B3GNT3: variants seen among roughly 807,000 people sequenced by gnomAD.
The protein encoded by B3GNT3 is UDP-GlcNAc:betaGal beta-1,3-N-acetylglucosaminyltransferase 3.
B3GNT3 carries 7 observed loss-of-function variants against 11.6 expected under a neutral mutation model. The ratio of observed to expected loss-of-function variants is 0.60; its 90% confidence interval spans 0.34 to 1.13. The LOEUF is 1.13. B3GNT3 is among the 50% of genes most tolerant of loss of function. B3GNT3 has a pLI of 0.03. For missense variants in B3GNT3, 400 were observed against 507.4 expected, an observed-to-expected ratio of 0.79 and a Z score of 2.03; for synonymous variants, 201 against 222.1, an observed-to-expected ratio of 0.90 and a Z score of 0.85.
In B3GNT3 at chr19:17,812,160, C is replaced by G; in HGVS notation, c.*38C>G. The G allele has an allele frequency of 6.5e-7, 1 of 1,543,664 alleles. No homozygotes were observed. Among genetic ancestry groups the G allele is most frequent in the East Asian group, 2.2e-5 (1 of 44,516 alleles). ...GTCCCCAGCCTCTGGGCTCCTGTTTCCATAGGAAGGGGCGACACCTTCCTC... is the reference window on the plus strand; with the variant it reads ...GTCCCCAGCCTCTGGGCTCCTGTTTGCATAGGAAGGGGCGACACCTTCCTC... On this transcript the variant is annotated 3_prime_UTR_variant, in exon 3 of 3. Transcript: ENST00000318683.
chr19:17,807,960 T>TCCCGGCCCCCCC lies in B3GNT3; in HGVS notation c.155_156insCGGCCCCCCCCC (p.Pro52_Pro53insGlyProProPro). 6.8e-6 allele frequency: 11 copies of TCCCGGCCCCCCC among 1,609,538 alleles called. No homozygotes were observed. The highest frequency in any genetic ancestry group is 2.7e-5 in the African/African-American group (2 of 74,190). On this transcript the variant is annotated inframe_insertion, in exon 2 of 3. Coordinates refer to ENST00000318683, the MANE Select transcript of B3GNT3 (RefSeq NM_014256.4). The stretch of plus-strand genomic sequence containing the variant: ...TCCCCGAGGCCCTGGCCTGGCCCAC[T>TCCCGGCCCCCCC]CCACCCACCCGCCCAGCCCCGGCCC...
At chr19:17,799,260 C>T (rs1476531912) in intron 1 of B3GNT3, among the ~76,000 whole-genome samples, 2 of 150,362 alleles carry the variant, frequency 1.3e-5, no homozygotes, top group Non-Finnish European at 2.9e-5. Flanking sequence ...GGTTCTGCCA[C>T]CATTCCAGCT....
chr19:17,808,876 G>C (rs1385998916), intron 2 of B3GNT3, among the ~76,000 whole-genome samples: 1 of 151,930 alleles, frequency 6.6e-6, no homozygotes. Flanking sequence ...GTCTTGCTCT[G>C]TTGCCCAGCC....
intron 1 of B3GNT3, among the ~76,000 whole-genome samples, chr19:17,801,523 G>C (rs1396480224): frequency 7.0e-6 from 1 of 142,732 alleles, no homozygotes; most frequent in Admixed American, 6.9e-5. Flanking sequence ...TTGCTCTGTT[G>C]CCCAGGCTGG....
intron 1 of B3GNT3, among the ~76,000 whole-genome samples, chr19:17,806,114 C>T (rs1439952810): frequency 1.3e-5 from 2 of 152,064 alleles, no homozygotes; most frequent in Non-Finnish European, 2.9e-5. Flanking sequence ...ACTACAGGCA[C>T]CCATCACCAT....
intron 1 of B3GNT3, among the ~76,000 whole-genome samples, chr19:17,804,912 G>C (rs1215708815): frequency 6.6e-6 from 1 of 151,084 alleles, no homozygotes; most frequent in Non-Finnish European, 1.5e-5. Context: ...GCCAGCCTCT[G>C]TCTAGGCCAC....
intron 1 of B3GNT3, among the ~76,000 whole-genome samples, chr19:17,804,093 C>G (rs2094169655): frequency 6.6e-6 from 1 of 152,102 alleles, no homozygotes; most frequent in African/African-American, 2.4e-5. Flanking sequence ...ACTGAGCCTC[C>G]CACTGCCCAG....
At position 17,811,809 on chromosome 19, in the gene B3GNT3, G is replaced by A. The variant is rs2094181222; in HGVS notation, c.806G>A (p.Gly269Glu). 1 of 1,614,200 alleles carries A rather than the reference G, an allele frequency of 6.2e-7. No individual in the cohort carries two copies. Among genetic ancestry groups the A allele is most frequent in the Admixed American group, 1.7e-5 (1 of 60,016 alleles). The change falls in exon 3 of 3, where the codon GGG (glycine) becomes GAG (glutamate). Residue 269 changes from glycine (G) to glutamate (E), a missense_variant. Transcript: ENST00000318683. The surrounding 1 kb of genome is among the most constrained non-coding windows in gnomAD (Gnocchi z 4.1). The stretch of plus-strand genomic sequence containing the variant: ...AATGAGCGGTACCCACCCTATTGTG[G>A]GGGTGGTGGCTTCTTGCTGTCCCGC... ...TQNERYPPYC[G>E]GGGFLLSRFT...
At chr19:17,803,887 C>G (rs1424260577) in intron 1 of B3GNT3, among the ~76,000 whole-genome samples, 1 of 151,590 alleles carries the variant, frequency 6.6e-6, no homozygotes, top group Non-Finnish European at 1.5e-5. Context: ...AATTAGCTGG[C>G]AAGGTGGCTT....
At position 17,806,304 on chromosome 19, in the gene B3GNT3, A is replaced by C. The variant is rs373143878; in HGVS notation, c.-50-1454A>C. On this transcript the variant is annotated intron_variant, in intron 1 of 2. Transcript: ENST00000318683. ...CCTAATTTTTGTGTTTTTTGTAGAG[A>C]CGGGGTTTCACCATGCTGCCCAAGC... is the stretch of plus-strand genomic sequence containing the variant. Among the ~76,000 whole-genome samples, 6 of 151,948 alleles carry C rather than the reference A, an allele frequency of 3.9e-5. No individual in the cohort carries two copies. In the East Asian group the frequency reaches 9.7e-4, roughly 25 times the overall value.
chr19:17,796,650 C>G (rs1404926692), intron 1 of B3GNT3, among the ~76,000 whole-genome samples: 6 of 152,178 alleles, frequency 3.9e-5, no homozygotes, highest in Non-Finnish European at 7.4e-5. Context: ...CCTAGGTGAG[C>G]AGTTGGGTGT....
intron 1 of B3GNT3, among the ~76,000 whole-genome samples, chr19:17,800,641 T>C (rs1308813613): frequency 6.6e-6 from 1 of 152,172 alleles, no homozygotes; most frequent in East Asian, 1.9e-4. Context: ...ATTTGGTATC[T>C]GAAGACTGTT....
rs773525535 is a variant in B3GNT3 at position 17,807,786 on chromosome 19, C to T, written c.-22C>T. ...CCGCCCAGGAGGCTCCTCAGGCCGA[C>T]CCCAGACCCTGGCTGGCCAGGATGA... On this transcript the variant is annotated 5_prime_UTR_variant, in exon 2 of 3. Coordinates refer to ENST00000318683, the MANE Select transcript of B3GNT3 (RefSeq NM_014256.4). 5 of 1,594,708 alleles carry T rather than the reference C, an allele frequency of 3.1e-6. No individual in the cohort carries two copies. In the African/African-American group the frequency reaches 4.0e-5, roughly 13 times the overall value.
At chr19:17,803,533 T>C (rs2094168934) in intron 1 of B3GNT3, among the ~76,000 whole-genome samples, 2 of 152,186 alleles carry the variant, frequency 1.3e-5, no homozygotes, top group African/African-American at 4.8e-5. Context: ...CAGGACCGAC[T>C]GGTCTGGCAG....
At chr19:17,805,105 G>A (rs1438936498) in intron 1 of B3GNT3, among the ~76,000 whole-genome samples, 1 of 108,710 alleles carries the variant, frequency 9.2e-6, no homozygotes, top group African/African-American at 4.5e-5. Flanking sequence ...TGACCACAGG[G>A]ATTTTTTTTT....
At position 17,806,291 on chromosome 19, in the gene B3GNT3, G is replaced by GT. The variant is rs906030547; in HGVS notation, c.-50-1461dup. Among the ~76,000 whole-genome samples the GT allele has an allele frequency of 2.0e-5, 3 of 151,766 alleles. 1 individual carries two copies. The South Asian group carries it at 6.2e-4, about 32-fold the overall frequency. ...CCACTGCGCCCAGCCTAATTTTTGTGTTTTTTGTAGAGACGGGGTTTCACC... is the reference window on the plus strand; with the variant it reads ...CCACTGCGCCCAGCCTAATTTTTGTGTTTTTTTGTAGAGACGGGGTTTCACC... On this transcript the variant is annotated intron_variant, in intron 1 of 2. Coordinates refer to ENST00000318683, the MANE Select transcript of B3GNT3 (RefSeq NM_014256.4).
chr19:17,799,975 T>C (rs2094164128), intron 1 of B3GNT3, among the ~76,000 whole-genome samples: 1 of 152,024 alleles, frequency 6.6e-6, no homozygotes. Context: ...TCACCTGTGG[T>C]CTCCAAATAG....
chr19:17,805,364 G>T (rs113956420), intron 1 of B3GNT3, among the ~76,000 whole-genome samples: 12,706 of 151,958 alleles, frequency 0.084, 812 homozygotes, highest in Non-Finnish European at 0.11. Context: ...CTCCCAGAGT[G>T]CTGGGATTAT....
At chr19:17,801,797 A>G (rs918784602) in intron 1 of B3GNT3, among the ~76,000 whole-genome samples, 3 of 151,916 alleles carry the variant, frequency 2.0e-5, no homozygotes, top group African/African-American at 7.2e-5. Context: ...AATTAAAAAA[A>G]TTTTTTTTGG....
Sources: gnomAD v4.1 joint callset for allele counts (sites outside exome capture counted in the v4.1 genomes callset) on GRCh38, gnomAD v4.1.1 for gene constraint, Gnocchi (gnomAD v3.1) non-coding constraint, MANE v1.5 for transcripts, NCBI Gene and HGNC (gene_info 2026-07-23, HGNC 2026-07-21) for gene names.